PAK4: variants seen among roughly 807,000 people sequenced by gnomAD.
PAK4 encodes the protein serine/threonine-protein kinase PAK 4.
PAK4 carries 49 observed loss-of-function variants against 53.5 expected under a neutral mutation model. The ratio of observed to expected loss-of-function variants is 0.92; its 90% CI spans 0.73 to 1.16. PAK4 has a LOEUF of 1.16. Ranked by LOEUF, PAK4 falls within the 50% of genes most tolerant of loss-of-function variation. The pLI, the probability that PAK4 is intolerant of heterozygous loss-of-function variation, is 0.00. For synonymous variants in PAK4, 376 were observed against 375.6 expected (o/e 1.00, Z -0.01); for missense variants, 824 against 850.7 (o/e 0.97, Z 0.39).
rs574805985 is a variant in PAK4 at position 39,146,200 on chromosome 19, A to T, written c.-23+20281A>T. The stretch of plus-strand genomic sequence containing the variant: ...GTCCTGCCTTCATGGAGCTTATAAT[A>T]CAGTGAGGGAGACAGACATGGTACT... On this transcript the variant is annotated intron_variant, in intron 1 of 8. Coordinates refer to ENST00000358301, the Ensembl canonical transcript of PAK4. 4.6e-5 allele frequency among the ~76,000 whole-genome samples: 7 copies of T among 152,348 alleles called. No individual in the cohort carries two copies. In the East Asian group the frequency reaches 1.4e-3, roughly 29 times the overall value.
At chr19:39,146,026 A>G (rs2073993561) in intron 1 of PAK4, among the ~76,000 whole-genome samples, 1 of 152,160 alleles carries the variant, frequency 6.6e-6, no homozygotes, top group Admixed American at 6.5e-5. Context: ...GGGTTATTTC[A>G]TCCATGCAAA....
chr19:39,172,838 C>T, intron 2 of PAK4, 80 bp from the exon 4 acceptor site: 2 of 1,200,050 alleles, frequency 1.7e-6, no homozygotes, highest in Admixed American at 2.3e-5. Flanking sequence ...GTCGTGCTGT[C>T]CTGTCCCTGC....
chr19:39,132,820 G>A (rs552128245), intron 1 of PAK4, among the ~76,000 whole-genome samples: 2 of 152,342 alleles, frequency 1.3e-5, no homozygotes, highest in South Asian at 2.1e-4. Context: ...TGGAATAGAC[G>A]GGTGTCACCT....
At chr19:39,165,982 G>A (rs1336444563) in intron 1 of PAK4, among the ~76,000 whole-genome samples, 1 of 152,124 alleles carries the variant, frequency 6.6e-6, no homozygotes, top group South Asian at 2.1e-4. Flanking sequence ...GTGGGACTCC[G>A]GGTAAAGTGC....
chr19:39,145,831 C>G (rs906047608), intron 1 of PAK4, among the ~76,000 whole-genome samples: 1 of 149,792 alleles, frequency 6.7e-6, no homozygotes, highest in Non-Finnish European at 1.5e-5. Flanking sequence ...GTTTGCCAGG[C>G]TCACACAGCC....
chr19:39,174,022 G>C lies in PAK4; in HGVS notation c.1098+12G>C. 1.3e-6 allele frequency: 2 copies of C among 1,540,334 alleles called. No homozygotes were observed. The highest frequency in any genetic ancestry group is 1.7e-6 in the Non-Finnish European group (2 of 1,144,178). ...TGCTCTTCAACGAGGTGCGGGCGCTGCTGCCCTGCCGCCCTGCTGGTCCTC... is the reference window on the plus strand; with the variant it reads ...TGCTCTTCAACGAGGTGCGGGCGCTCCTGCCCTGCCGCCCTGCTGGTCCTC... On this transcript the variant is annotated intron_variant, in intron 4 of 8. Transcript: ENST00000358301.
At chr19:39,159,599 G>T (rs2074250620) in intron 1 of PAK4, among the ~76,000 whole-genome samples, 1 of 152,186 alleles carries the variant, frequency 6.6e-6, no homozygotes, top group South Asian at 2.1e-4. Context: ...TGTTGGCCAG[G>T]CTGGTCTCGA....
intron 1 of PAK4, among the ~76,000 whole-genome samples, chr19:39,131,602 C>T (rs1346711258): frequency 1.3e-5 from 2 of 152,174 alleles, no homozygotes; most frequent in African/African-American, 2.4e-5. Context: ...TTGGAGGGGC[C>T]GAGGAGGGTG....
intron 1 of PAK4, among the ~76,000 whole-genome samples, chr19:39,133,244 A>C (rs1221639645): frequency 2.6e-5 from 4 of 152,244 alleles, no homozygotes; most frequent in African/African-American, 9.6e-5. Context: ...TTGAGGATCT[A>C]AATGTATATT....
At chr19:39,141,170 C>G (rs183589220) in intron 1 of PAK4, among the ~76,000 whole-genome samples, 112 of 152,306 alleles carry the variant, frequency 7.4e-4, no homozygotes, top group African/African-American at 2.6e-3. Context: ...CAGGTAGCAG[C>G]TGTGGCCAGG....
At chr19:39,174,545 C>T (rs2074562490) in intron 4 of PAK4, among the ~76,000 whole-genome samples, 1 of 152,046 alleles carries the variant, frequency 6.6e-6, no homozygotes. Context: ...CCCCGTTGCC[C>T]ATCACAGTGC....
intron 1 of PAK4, among the ~76,000 whole-genome samples, chr19:39,152,926 G>T (rs1476250501): frequency 6.6e-6 from 1 of 152,108 alleles, no homozygotes; most frequent in Non-Finnish European, 1.5e-5. Context: ...ACTATGGAGG[G>T]CCAGCTTTTC....
chr19:39,132,301 A>G (rs1296911728), intron 1 of PAK4, among the ~76,000 whole-genome samples: 1 of 152,236 alleles, frequency 6.6e-6, no homozygotes, highest in Non-Finnish European at 1.5e-5. Context: ...AAGGATGTAC[A>G]GGGACGAGCA....
intron 1 of PAK4, among the ~76,000 whole-genome samples, chr19:39,166,576 C>A (rs577659220): frequency 1.3e-5 from 2 of 152,364 alleles, no homozygotes; most frequent in East Asian, 3.9e-4. Context: ...TGGGTTAGAG[C>A]TCCAGTTCAC....
chr19:39,179,463 T>A (rs2074678001), downstream of PAK4: 1 of 151,860 alleles, frequency 6.6e-6, no homozygotes, highest in Admixed American at 6.6e-5. Flanking sequence ...GGGTGGGAAT[T>A]TGCAGGGAGA....
At chr19:39,138,623 G>C (rs1235186639) in intron 1 of PAK4, among the ~76,000 whole-genome samples, 2 of 152,316 alleles carry the variant, frequency 1.3e-5, no homozygotes, top group Middle Eastern at 3.4e-3. Context: ...CCTGGGTTTA[G>C]CCTTGCTGGC....
intron 1 of PAK4, among the ~76,000 whole-genome samples, chr19:39,145,815 C>T (rs886680660): frequency 2.0e-4 from 30 of 152,164 alleles, no homozygotes; most frequent in African/African-American, 6.0e-4. Flanking sequence ...CACCCTCACC[C>T]GCCCTGTTTG....
intron 1 of PAK4, among the ~76,000 whole-genome samples, chr19:39,154,414 C>T (rs866990632): frequency 2.0e-5 from 3 of 152,244 alleles, no homozygotes; most frequent in South Asian, 2.1e-4. Context: ...CATACACACA[C>T]GTAGGATCTC....
chr19:39,133,887 C>G (rs145499838), intron 1 of PAK4, among the ~76,000 whole-genome samples: 1 of 152,204 alleles, frequency 6.6e-6, no homozygotes, highest in African/African-American at 2.4e-5. Flanking sequence ...TGCCAGCCCC[C>G]CTCCCCTTCC....
Sources: allele counts gnomAD v4.1 joint callset (sites outside exome capture counted in the v4.1 genomes callset), GRCh38; gene constraint gnomAD v4.1.1; transcripts MANE v1.5; gene names NCBI Gene and HGNC (gene_info 2026-07-23, HGNC 2026-07-21).